The following TEX35 variants were observed in gnomAD, a reference collection of about 807,000 sequenced individuals.
TEX35 encodes the protein testis-expressed protein 35.
A neutral mutation model predicts 31.9 loss-of-function variants in TEX35; 26 were observed. The observed-to-expected ratio is 0.81, with a 90% CI of 0.60 to 1.13. The LOEUF (loss-of-function observed/expected upper bound fraction) is 1.13, where lower values mean the gene tolerates loss of function less well. TEX35 is among the 50% of genes most tolerant of loss of function. The probability of loss-of-function intolerance (pLI) is 0.00; values close to 1 mark genes in which losing one functional copy is unlikely to be tolerated. For synonymous variants in TEX35, 87 were observed against 90.7 expected, an observed-to-expected ratio of 0.96 and a Z score of 0.23; for missense variants, 278 against 273.5, an observed-to-expected ratio of 1.02 and a Z score of -0.12.
chr1:178,513,645 A>G (rs1164374732), intron 1 of TEX35, among the ~76,000 whole-genome samples: 1 of 152,252 alleles, frequency 6.6e-6, no homozygotes, highest in African/African-American at 2.4e-5. Context: ...ACCCAAAATA[A>G]CAGAGATAGT....
intron 5 of TEX35, among the ~76,000 whole-genome samples, chr1:178,518,941 G>T (rs898606941): frequency 6.6e-6 from 1 of 152,004 alleles, no homozygotes; most frequent in East Asian, 1.9e-4. Context: ...GGGGGAAACT[G>T]TGAGGGAAAA....
At chr1:178,516,741 A>C (rs1371563645) in intron 5 of TEX35, 67 bp downstream of exon 5, 8 of 1,137,262 alleles carry the variant, frequency 7.0e-6, no homozygotes, top group Non-Finnish European at 7.6e-6. Flanking sequence ...AGACACCAGC[A>C]GACCCTGCCC....
intron 5 of TEX35, among the ~76,000 whole-genome samples, chr1:178,518,892 G>A (rs1650171877): frequency 6.6e-6 from 1 of 152,096 alleles, no homozygotes; most frequent in South Asian, 2.1e-4. Context: ...TGTTGTATAT[G>A]GTGGTCAGCA....
chr1:178,514,673 G>A (rs776838468), intron 2 of TEX35, 27 bp from the exon 3 acceptor site: 3 of 1,610,472 alleles, frequency 1.9e-6, no homozygotes, highest in Admixed American at 1.7e-5. Flanking sequence ...AATTCCCAAA[G>A]GTCTGTGTTC....
Position 178,516,635 on chromosome 1 carries a change from G to A in TEX35, c.237G>A (p.Lys79=). Residue 79 remains lysine (K), a synonymous_variant, in exon 5 of 9, where the codon AAG becomes AAA. Coordinates refer to ENST00000319416, the MANE Select transcript of TEX35 (RefSeq NM_032126.5). ...GTTAGATAAAGGATCTAATGGACAA[G>A]GATTTTGATAAACTTCACGAATTTG... The part of the protein sequence containing the change: ...EIKQIKDLMD[K]DFDKLHEFVE... The A allele has an allele frequency of 1.9e-6, 3 of 1,613,674 alleles. No individual in the cohort carries two copies. Among genetic ancestry groups the A allele is most frequent in the East Asian group, 2.2e-5 (1 of 44,870 alleles).
rs1650263996 is a variant in TEX35, at chr1:178,521,219, C to A, written c.544-3C>A. ...TTTCTTGTGCCGTTTCTGTCCTCTG[C>A]AGGAGAAATGTTTGTTGTGTGCTCT... On this transcript the variant is annotated splice_polypyrimidine_tract_variant and splice_region_variant and intron_variant, in intron 7 of 8. Coordinates refer to ENST00000319416, the MANE Select transcript of TEX35 (RefSeq NM_032126.5). The A allele has an allele frequency of 6.2e-7, 1 of 1,614,200 alleles. No individual in the cohort carries two copies. Among genetic ancestry groups the A allele is most frequent in the Non-Finnish European group, 8.5e-7 (1 of 1,180,026 alleles).
chr1:178,520,896 C>A (rs760179437), intron 7 of TEX35, 22 bp downstream of exon 7: 1 of 1,612,940 alleles, frequency 6.2e-7, no homozygotes, highest in East Asian at 2.2e-5. Flanking sequence ...CCTGCCCGAG[C>A]CCAGCACTGG....
intron 3 of TEX35, among the ~76,000 whole-genome samples, chr1:178,515,232 C>T (rs761577697): frequency 5.3e-5 from 8 of 152,136 alleles, no homozygotes; most frequent in Non-Finnish European, 8.8e-5. Context: ...CTCAGCCTCC[C>T]GAGTATCTGG....
chr1:178,519,043 C>T (rs1572176133), intron 5 of TEX35, among the ~76,000 whole-genome samples: 1 of 152,110 alleles, frequency 6.6e-6, no homozygotes, highest in Non-Finnish European at 1.5e-5. Flanking sequence ...CAGCAAGAGG[C>T]CTCTGGAGAT....
At position 178,514,680 on chromosome 1, in the gene TEX35, G is replaced by A; in HGVS notation, c.91-20G>A. The A allele has an allele frequency of 1.2e-6, 2 of 1,613,038 alleles. No individual in the cohort carries two copies. Among genetic ancestry groups the A allele is most frequent in the Non-Finnish European group, 1.7e-6 (2 of 1,179,340 alleles). On this transcript the variant is annotated intron_variant, in intron 2 of 8. Coordinates refer to ENST00000319416, the MANE Select transcript of TEX35 (RefSeq NM_032126.5). ...CCATCTGCAATTCCCAAAGGTCTGTGTTCCTGTTTCAATCCACAGACATTT... is the reference window on the plus strand; with the variant it reads ...CCATCTGCAATTCCCAAAGGTCTGTATTCCTGTTTCAATCCACAGACATTT...
chr1:178,515,778 C>A, intron 3 of TEX35, 81 bp from the exon 4 acceptor site: 1 of 1,131,782 alleles, frequency 8.8e-7, no homozygotes, highest in Non-Finnish European at 1.3e-6. Flanking sequence ...GTCCCAGGAT[C>A]TTTCCTTTCC....
At chr1:178,520,188 T>G (rs761011490) in intron 5 of TEX35, among the ~76,000 whole-genome samples, 184 bp from the exon 6 acceptor site, 2 of 152,044 alleles carry the variant, frequency 1.3e-5, no homozygotes, top group African/African-American at 2.4e-5. Flanking sequence ...TTCGTCTCAT[T>G]GGGGAAGGGG....
chr1:178,518,490 T>C (rs978358993), intron 5 of TEX35, among the ~76,000 whole-genome samples: 2 of 152,020 alleles, frequency 1.3e-5, no homozygotes, highest in Non-Finnish European at 1.5e-5. Flanking sequence ...GCCAAATAAA[T>C]TATGAAATAC....
intron 4 of TEX35, among the ~76,000 whole-genome samples, chr1:178,516,163 T>C (rs1313635335): frequency 6.6e-6 from 1 of 152,220 alleles, no homozygotes; most frequent in East Asian, 1.9e-4. Flanking sequence ...ACCTTAGTGA[T>C]GAAGCTGAGT....
chr1:178,521,657 G>A (rs1208541939), intron 8 of TEX35: 16 of 1,552,098 alleles, frequency 1.0e-5, no homozygotes, highest in Non-Finnish European at 1.3e-5. Context: ...CATCGAATAT[G>A]TGTTTCCAAC....
rs1240662682 is a variant in TEX35, at chr1:178,522,329, C to G, written c.591C>G (p.Asn197Lys). 3.8e-6 allele frequency: 6 copies of G among 1,596,824 alleles called. No individual in the cohort carries two copies. The highest frequency in any genetic ancestry group is 5.1e-6 in the Non-Finnish European group (6 of 1,170,680). The change falls in exon 9 of 9, where the codon AAC becomes AAG. Residue 197 changes from asparagine to lysine, a missense_variant. Physicochemically the swap from Asn to Lys is moderately conservative, Grantham distance 94. Coordinates refer to ENST00000319416, the MANE Select transcript of TEX35 (RefSeq NM_032126.5). Reference sequence around the variant, plus strand: ...TCCCTCCCTCCACCCCCAAAGGGAACATTCCTTCAGAGGCCTCAGGCCTTT... The same window carrying G: ...TCCCTCCCTCCACCCCCAAAGGGAAGATTCCTTCAGAGGCCTCAGGCCTTT... ...CALKNNYNRG[N>K]IPSEASGLYK...
chr1:178,518,218 A>T (rs946991561), intron 5 of TEX35, among the ~76,000 whole-genome samples: 1 of 149,726 alleles, frequency 6.7e-6, no homozygotes, highest in Non-Finnish European at 1.5e-5. Context: ...GCAAAATTTT[A>T]ATTTATTACA....
At chr1:178,514,413 C>T (rs926503878) in intron 2 of TEX35, among the ~76,000 whole-genome samples, 1 of 152,154 alleles carries the variant, frequency 6.6e-6, no homozygotes, top group Non-Finnish European at 1.5e-5. Flanking sequence ...AGAGTAAGAG[C>T]CTTCTAGGCA....
chr1:178,513,877 G>A (rs1649967286), intron 1 of TEX35, 150 bp from the exon 2 acceptor site: 4 of 774,730 alleles, frequency 5.2e-6, no homozygotes, highest in East Asian at 2.6e-5. Context: ...CGGGTGCTGC[G>A]GGGTCTGTGA....
Sources: allele counts gnomAD v4.1 joint callset (sites outside exome capture counted in the v4.1 genomes callset), GRCh38; gene constraint gnomAD v4.1.1; transcripts MANE v1.5; gene names NCBI Gene and HGNC (gene_info 2026-07-23, HGNC 2026-07-21).